Variants in FAT1 observed in about 807,000 individuals in gnomAD.
The protein encoded by FAT1 is protocadherin Fat 1.
FAT1 carries 171 observed loss-of-function variants against 329.8 expected under a neutral mutation model. The ratio of observed to expected loss-of-function variants is 0.52; its 90% CI spans 0.46 to 0.59. The LOEUF (loss-of-function observed/expected upper bound fraction) is 0.59. FAT1 is among the 20% of genes least tolerant of loss of function. The pLI is 0.00. For missense variants in FAT1, 5,672 were observed against 5,774.4 expected (o/e 0.98, Z 0.57); for synonymous variants, 2,233 against 2,228.6 (o/e 1.00, Z -0.06).
intron 3 of FAT1, among the ~76,000 whole-genome samples, chr4:186,648,020 A>G (rs1741459391): frequency 6.6e-6 from 1 of 152,200 alleles, no homozygotes; most frequent in African/African-American, 2.4e-5. Flanking sequence ...GACAAGGAGC[A>G]CTACAAAAAC....
Position 186,633,830 on chromosome 4 carries a change from TG to T in FAT1, c.4184-8del, listed in dbSNP as rs1740703173. 6.2e-7 allele frequency: 1 copy of T among 1,613,606 alleles called. No individual in the cohort carries two copies. Among genetic ancestry groups the T allele is most frequent in the Non-Finnish European group, 8.5e-7 (1 of 1,179,754 alleles). On this transcript the variant is annotated splice_polypyrimidine_tract_variant and splice_region_variant and intron_variant, in intron 6 of 26. Coordinates refer to ENST00000441802, the MANE Select transcript of FAT1 (RefSeq NM_005245.4). Reference sequence around the variant, plus strand: ...TGACTGTCGTAGTTGCCACCTAATTTGGGGAAAAAAAAGTAAAAACAGGTCA... The same window carrying T: ...TGACTGTCGTAGTTGCCACCTAATTTGGGAAAAAAAAGTAAAAACAGGTCA...
At position 186,596,441 on chromosome 4, in the gene FAT1, G is replaced by C; in HGVS notation, c.13000+99C>G. 2.3e-6 allele frequency: 3 copies of C among 1,312,742 alleles called. No homozygotes were observed. The highest frequency in any genetic ancestry group is 3.1e-6 in the Non-Finnish European group (3 of 955,098). The allele number at this position is 1,312,742 out of a possible 1,614,324, so 81.3% of individuals were successfully genotyped here. On this transcript the variant is annotated intron_variant, in intron 25 of 26. Transcript: ENST00000441802. This position sits in a 1 kb window ranked among gnomAD's most constrained non-coding sequence, Gnocchi z 4.7. Reference sequence around the variant, plus strand: ...TACGGATTTCAGTCTGAGCATACTTGTCTCTAATGAAGAGTACACACATTT... The same window carrying C: ...TACGGATTTCAGTCTGAGCATACTTCTCTCTAATGAAGAGTACACACATTT...
At position 186,609,243 on chromosome 4, in the gene FAT1, C is replaced by G. The variant is rs372358822; in HGVS notation, c.10146G>C (p.Ser3382=). The change falls in exon 16 of 27, where the codon TCG becomes TCC. Residue 3382 remains serine (S), a synonymous_variant. Transcript: ENST00000441802. ...YSIIDGNQGS[S]FTIDPVRGEV... ...CTCCCCTGACGGGGTCAATTGTGAA[C>G]GAGCTTCCTTGGTTGCCATCTATAA... is the stretch of plus-strand genomic sequence containing the variant. 8 of 1,614,014 alleles carry G rather than the reference C, an allele frequency of 5.0e-6. No individual in the cohort carries two copies. Among genetic ancestry groups the G allele is most frequent in the South Asian group, 1.1e-5 (1 of 91,072 alleles).
intron 2 of FAT1, among the ~76,000 whole-genome samples, chr4:186,674,718 G>C (rs1407839410): frequency 6.6e-6 from 1 of 152,204 alleles, no homozygotes; most frequent in Non-Finnish European, 1.5e-5. Flanking sequence ...GGAAGTTACT[G>C]TGTTTATCAT....
At chr4:186,595,974 A>T (rs1048427066) in intron 25 of FAT1, 148 bp from the exon 26 acceptor site, 6 of 794,196 alleles carry the variant, frequency 7.6e-6, no homozygotes, top group Non-Finnish European at 1.2e-5. Flanking sequence ...AACACCTTAC[A>T]AACTCAAACG....
chr4:186,693,887 C>T (rs1051394193), intron 2 of FAT1, among the ~76,000 whole-genome samples: 1 of 152,220 alleles, frequency 6.6e-6, no homozygotes, highest in Non-Finnish European at 1.5e-5. Flanking sequence ...ACAGCCATCT[C>T]CACATTCCTC....
At chr4:186,626,688 C>A (rs328434) in intron 9 of FAT1, among the ~76,000 whole-genome samples, 1 of 109,210 alleles carries the variant, frequency 9.2e-6, no homozygotes, top group Non-Finnish European at 1.8e-5. Context: ...CATGGCACCT[C>A]GCACATAAAG....
At chr4:186,662,585 A>G (rs1197432261) in intron 3 of FAT1, among the ~76,000 whole-genome samples, 1 of 152,176 alleles carries the variant, frequency 6.6e-6, no homozygotes, top group Non-Finnish European at 1.5e-5. Flanking sequence ...TATAGGAAAC[A>G]CTTAAAACAT....
At chr4:186,717,707 C>A (rs1745280964) in intron 1 of FAT1, among the ~76,000 whole-genome samples, 1 of 152,170 alleles carries the variant, frequency 6.6e-6, no homozygotes, top group Admixed American at 6.5e-5. Flanking sequence ...TGTCTGTTGG[C>A]ATTACGAAGA....
chr4:186,639,874 A>G (rs1000454809), intron 3 of FAT1, 91 bp from the exon 4 acceptor site: 26 of 1,087,350 alleles, frequency 2.4e-5, no homozygotes, highest in Middle Eastern at 2.5e-4. Flanking sequence ...CAGGTGCGGT[A>G]GCTCATGCCT....
At chr4:186,594,074 TTTTTTTTTTGAGAC>T (rs2126375380) in intron 26 of FAT1, among the ~76,000 whole-genome samples, 1 of 150,240 alleles carries the variant, frequency 6.7e-6, no homozygotes, top group Non-Finnish European at 1.5e-5. Flanking sequence ...TTGGGACTAT[TTTTTTTTTTGAGAC>T]AGAGTCTCGC....
intron 3 of FAT1, among the ~76,000 whole-genome samples, chr4:186,648,363 C>T (rs1298557079): frequency 6.6e-6 from 1 of 152,070 alleles, no homozygotes; most frequent in East Asian, 1.9e-4. Context: ...GCTGGAAAAT[C>T]TCAAATCAAT....
At position 186,708,059 on chromosome 4, in the gene FAT1, G is replaced by C. The variant is rs564934762; in HGVS notation, c.1769C>G (p.Thr590Ser). Reference protein sequence around the residue: ...RDLGVGEQITTVSAIDADELQ... With the variant: ...RDLGVGEQITSVSAIDADELQ... Reference sequence around the variant, plus strand: ...TTCATCTGCATCAATAGCAGAAACAGTGGTTATTTGCTCTCCCACGCCTAG... The same window carrying C: ...TTCATCTGCATCAATAGCAGAAACACTGGTTATTTGCTCTCCCACGCCTAG... Residue 590 changes from threonine to serine, a missense_variant, in exon 2 of 27, where the codon ACT becomes AGT. This residue lies in a region of FAT1 where 3,966 missense variants were observed against 3,915.2 expected (regional missense o/e 1.01). Transcript: ENST00000441802. 1 of 1,613,988 alleles carries C rather than the reference G, an allele frequency of 6.2e-7. No homozygotes were observed. The highest frequency in any genetic ancestry group is 1.3e-5 in the African/African-American group (1 of 75,060).
rs1738527944 is a variant in FAT1 at position 186,596,636 on chromosome 4, A to G, written c.12904T>C (p.Cys4302Arg). 1 of 1,610,848 alleles carries G rather than the reference A, an allele frequency of 6.2e-7. No homozygotes were observed. Residue 4302 changes from cysteine (C) to arginine (R), a missense_variant, in exon 25 of 27, where the codon TGC becomes CGC. By Grantham distance (180) the Cys-to-Arg change is radical. Coordinates refer to ENST00000441802, the MANE Select transcript of FAT1 (RefSeq NM_005245.4). The surrounding 1 kb of genome is among the most constrained non-coding windows in gnomAD (Gnocchi z 4.7). ...VHGHRKAVAV[C>R]SVAPNLPPPP... ...GGAGGCAGGTTTGGCGCCACGCTGC[A>G]GACCGCCACTGCTTTTCGGTGCCCG...
rs922497347 is a variant in FAT1 at position 186,709,323 on chromosome 4, C to A, written c.505G>T (p.Ala169Ser). ...PENTAIRTSI[A>S]RVSATDADIG... ...TCTGCATCCGTGGCGCTGACTCTTGCGATACTGGTCCTTATAGCTGTGTTT... is the reference window on the plus strand; with the variant it reads ...TCTGCATCCGTGGCGCTGACTCTTGAGATACTGGTCCTTATAGCTGTGTTT... Residue 169 changes from alanine to serine, a missense_variant, in exon 2 of 27, where the codon GCA (alanine) becomes TCA (serine). Around this residue, in one of 2 missense-constraint regions of FAT1, gnomAD observed 3,966 missense variants for 3,915.2 expected, o/e 1.01. Coordinates refer to ENST00000441802, the MANE Select transcript of FAT1 (RefSeq NM_005245.4). 1.2e-6 allele frequency: 2 copies of A among 1,613,936 alleles called. No individual in the cohort carries two copies. Among genetic ancestry groups the A allele is most frequent in the Non-Finnish European group, 1.7e-6 (2 of 1,179,890 alleles).
chr4:186,649,223 C>A (rs1490359848), intron 3 of FAT1, among the ~76,000 whole-genome samples: 2 of 152,074 alleles, frequency 1.3e-5, no homozygotes, highest in African/African-American at 4.8e-5. Flanking sequence ...TCTGCAACTA[C>A]CGACCAAATC....
At chr4:186,680,261 G>A (rs1383088102) in intron 2 of FAT1, among the ~76,000 whole-genome samples, 5 of 152,096 alleles carry the variant, frequency 3.3e-5, no homozygotes, top group African/African-American at 9.7e-5. Flanking sequence ...AAAGAGACAC[G>A]CAAAGGGGTA....
At chr4:186,637,412 G>A (rs189125569) in intron 4 of FAT1, among the ~76,000 whole-genome samples, 300 of 152,226 alleles carry the variant, frequency 2.0e-3, no homozygotes, top group Non-Finnish European at 3.5e-3. Context: ...TTTAAAGTAT[G>A]TGTTAAATAA....
chr4:186,682,886 A>T (rs1442117747), intron 2 of FAT1, among the ~76,000 whole-genome samples: 2 of 152,230 alleles, frequency 1.3e-5, no homozygotes, highest in Non-Finnish European at 2.9e-5. Flanking sequence ...ACTCCAGGAC[A>T]GCAGGACAGT....
Sources: allele counts gnomAD v4.1 joint callset (sites outside exome capture counted in the v4.1 genomes callset), GRCh38; gene constraint gnomAD v4.1.1; regional missense constraint gnomAD v4.1.1; non-coding constraint Gnocchi (gnomAD v3.1); transcripts MANE v1.5; gene names NCBI Gene and HGNC (gene_info 2026-07-23, HGNC 2026-07-21).